Variants in PKNOX2 observed in about 807,000 individuals in gnomAD.
PKNOX2 encodes the protein PBX/knotted 1 homeobox 2.
A neutral mutation model predicts 53.1 loss-of-function variants in PKNOX2; 14 were observed. The ratio of observed to expected loss-of-function variants is 0.26; its 90% CI spans 0.17 to 0.41. The LOEUF (loss-of-function observed/expected upper bound fraction) is 0.41, where lower values mean the gene tolerates loss of function less well. PKNOX2 is among the 10% of genes least tolerant of loss of function. The pLI is 1.00. For missense variants in PKNOX2, 496 were observed against 602.8 expected (o/e 0.82, Z 1.85); for synonymous variants, 257 against 242.8 (o/e 1.06, Z -0.54).
At chr11:125,291,900 G>T (rs993822300) in intron 2 of PKNOX2, among the ~76,000 whole-genome samples, 1 of 152,158 alleles carries the variant, frequency 6.6e-6, no homozygotes, top group African/African-American at 2.4e-5. Context: ...GGTTACTAAG[G>T]GCTTGGAGGA....
chr11:125,390,213 A>T (rs988027025), intron 6 of PKNOX2, among the ~76,000 whole-genome samples: 1 of 152,164 alleles, frequency 6.6e-6, no homozygotes, highest in African/African-American at 2.4e-5. Context: ...ATCTTATTTA[A>T]TCCTCTTTCT....
intron 2 of PKNOX2, among the ~76,000 whole-genome samples, chr11:125,255,212 G>A (rs1367824753): frequency 6.6e-6 from 1 of 152,248 alleles, no homozygotes; most frequent in Non-Finnish European, 1.5e-5. Context: ...ACGAGCGAAT[G>A]CATACCCAGG....
chr11:125,226,635 C>T (rs998995510), intron 1 of PKNOX2, among the ~76,000 whole-genome samples: 4 of 152,004 alleles, frequency 2.6e-5, no homozygotes, highest in Non-Finnish European at 4.4e-5. Flanking sequence ...TCTCTTCCTC[C>T]TATTCCCCTC....
At position 125,432,339 on chromosome 11, in the gene PKNOX2, C is replaced by G. The variant is rs1322018074; in HGVS notation, c.*947C>G. 6.5e-6 allele frequency: 1 copy of G among 152,884 alleles called. No homozygotes were observed. The highest frequency in any genetic ancestry group is 2.4e-5 in the African/African-American group (1 of 41,458). The allele number at this position is 152,884 out of a possible 1,614,324, so 9.5% of individuals were successfully genotyped here. On this transcript the variant is annotated 3_prime_UTR_variant, in exon 13 of 13. Transcript: ENST00000298282. ...GAAACCAGGTTATCTGGGAATCTTTCCAGCCCGCAGGTCGCCACGGCCATC... is the reference window on the plus strand; with the variant it reads ...GAAACCAGGTTATCTGGGAATCTTTGCAGCCCGCAGGTCGCCACGGCCATC...
At chr11:125,210,320 C>T (rs1414551468) in intron 1 of PKNOX2, among the ~76,000 whole-genome samples, 1 of 152,134 alleles carries the variant, frequency 6.6e-6, no homozygotes. Context: ...GGAATCTGCC[C>T]TTCTCTCTTT....
intron 2 of PKNOX2, among the ~76,000 whole-genome samples, chr11:125,295,208 A>T (rs1591516460): frequency 1.3e-5 from 2 of 152,224 alleles, no homozygotes; most frequent in East Asian, 3.8e-4. Flanking sequence ...TGCTAGGACA[A>T]CCGTGATGCC....
At position 125,362,040 on chromosome 11, in the gene PKNOX2, C is replaced by T. The variant is rs138563660; in HGVS notation, c.88-5806C>T. Reference sequence around the variant, plus strand: ...CATTGTTGGGAGAATGATTTGAACTCGTAGGGGAGAGGTTTGTTGAGGGAG... The same window carrying T: ...CATTGTTGGGAGAATGATTTGAACTTGTAGGGGAGAGGTTTGTTGAGGGAG... On this transcript the variant is annotated intron_variant, in intron 4 of 12. Coordinates refer to ENST00000298282, the MANE Select transcript of PKNOX2 (RefSeq NM_001382323.2). 8.3e-4 allele frequency among the ~76,000 whole-genome samples: 126 copies of T among 152,240 alleles called. 1 individual carries two copies. In the East Asian group the frequency reaches 0.021, roughly 26 times the overall value.
At position 125,406,791 on chromosome 11, in the gene PKNOX2, C is replaced by T. The variant is rs1049056818; in HGVS notation, c.589-3405C>T. Reference sequence around the variant, plus strand: ...TGATGGTGACATTAAAATGGAACAGCGTGGTGAAAGCTCTCTCATACTCAG... The same window carrying T: ...TGATGGTGACATTAAAATGGAACAGTGTGGTGAAAGCTCTCTCATACTCAG... On this transcript the variant is annotated intron_variant, in intron 7 of 12. Coordinates refer to ENST00000298282, the MANE Select transcript of PKNOX2 (RefSeq NM_001382323.2). 9.2e-5 allele frequency among the ~76,000 whole-genome samples: 14 copies of T among 151,920 alleles called. No individual in the cohort carries two copies. The East Asian group carries it at 1.4e-3, about 15-fold the overall frequency.
At chr11:125,222,079 T>C (rs1220881376) in intron 1 of PKNOX2, among the ~76,000 whole-genome samples, 2 of 152,162 alleles carry the variant, frequency 1.3e-5, no homozygotes, top group Admixed American at 1.3e-4. Flanking sequence ...CAAGGAGAAT[T>C]GGCCCTTGAA....
intron 5 of PKNOX2, among the ~76,000 whole-genome samples, chr11:125,373,500 T>C (rs1469768273): frequency 3.3e-5 from 5 of 152,194 alleles, no homozygotes; most frequent in African/African-American, 9.6e-5. Flanking sequence ...ATCTAGATTG[T>C]CATGAGGTTT....
intron 2 of PKNOX2, among the ~76,000 whole-genome samples, chr11:125,267,244 C>G (rs772505523): frequency 6.6e-6 from 1 of 152,304 alleles, no homozygotes; most frequent in South Asian, 2.1e-4. Context: ...CAAACTCCTC[C>G]CCTTGTGCTC....
chr11:125,219,720 A>T (rs1940927762), intron 1 of PKNOX2, among the ~76,000 whole-genome samples: 1 of 152,258 alleles, frequency 6.6e-6, no homozygotes, highest in South Asian at 2.1e-4. Context: ...ACCATTATTC[A>T]TTTATCTTTT....
intron 2 of PKNOX2, among the ~76,000 whole-genome samples, chr11:125,289,608 ACCAAACAATTG>A (rs1947173608): frequency 6.6e-6 from 1 of 152,150 alleles, no homozygotes. Flanking sequence ...GCCAGATTTG[ACCAAACAATTG>A]CCCCTGGAGT....
intron 5 of PKNOX2, among the ~76,000 whole-genome samples, chr11:125,377,708 C>G (rs1454229443): frequency 6.6e-6 from 1 of 152,156 alleles, no homozygotes; most frequent in East Asian, 1.9e-4. Flanking sequence ...TGGCTTGAGC[C>G]ACACATAAAA....
intron 2 of PKNOX2, among the ~76,000 whole-genome samples, chr11:125,263,703 G>A (rs1329001211): frequency 1.3e-5 from 2 of 152,222 alleles, no homozygotes; most frequent in Non-Finnish European, 2.9e-5. Context: ...TCGCACGGAG[G>A]GCGTGGAGCC....
intron 3 of PKNOX2, among the ~76,000 whole-genome samples, chr11:125,347,067 G>A (rs113086847): frequency 2.6e-5 from 4 of 152,184 alleles, no homozygotes; most frequent in East Asian, 1.9e-4. Context: ...GGGAGTGGGC[G>A]GAATGGCGTG....
intron 3 of PKNOX2, among the ~76,000 whole-genome samples, chr11:125,349,433 C>T (rs111899573): frequency 1.3e-5 from 2 of 152,192 alleles, no homozygotes; most frequent in African/African-American, 2.4e-5. Flanking sequence ...GTGAGATGGG[C>T]GAGGCCCTGC....
In PKNOX2 at chr11:125,167,047, G is replaced by A. The variant is rs535009891; in HGVS notation, c.-201+2271G>A. Among the ~76,000 whole-genome samples, 546 of 152,190 alleles carry A rather than the reference G, an allele frequency of 3.6e-3. 4 individuals are homozygous for A. Among genetic ancestry groups the A allele is most frequent in the Admixed American group, 0.011 (167 of 15,298 alleles). On this transcript the variant is annotated intron_variant, in intron 1 of 12. Coordinates refer to ENST00000298282, the MANE Select transcript of PKNOX2 (RefSeq NM_001382323.2). ...GCCCCAGGACCTTGGTGGAAGCGGG[G>A]AGGGAGGGTCCCGTTTCTGGTCTCA...
chr11:125,238,666 T>A (rs10893351), intron 2 of PKNOX2, among the ~76,000 whole-genome samples: 19,499 of 152,218 alleles, frequency 0.13, 2,590 homozygotes, highest in East Asian at 0.38. Context: ...ACTTGCTTAG[T>A]TATATCTAAA....
Sources: allele counts gnomAD v4.1 joint callset (sites outside exome capture counted in the v4.1 genomes callset), GRCh38; gene constraint gnomAD v4.1.1; transcripts MANE v1.5; gene names NCBI Gene and HGNC (gene_info 2026-07-23, HGNC 2026-07-21).